SH3BP2: variants seen among roughly 807,000 people sequenced by gnomAD.
SH3BP2 encodes SH3 domain binding protein 2.
A neutral mutation model predicts 56.2 loss-of-function variants in SH3BP2; 38 were observed. The ratio of observed to expected loss-of-function variants is 0.68; its 90% confidence interval spans 0.52 to 0.89. SH3BP2 has a LOEUF of 0.89. Ranked by LOEUF, SH3BP2 falls within the 40% of genes least tolerant of loss-of-function variation. The pLI, the probability that SH3BP2 is intolerant of heterozygous loss-of-function variation, is 0.00. For synonymous variants in SH3BP2, 346 were observed against 316.7 expected, an observed-to-expected ratio of 1.09 and a Z score of -0.98; for missense variants, 748 against 762.6, an observed-to-expected ratio of 0.98 and a Z score of 0.23.
chr4:2,806,686 T>A (rs984806965), intron 1 of SH3BP2, among the ~76,000 whole-genome samples: 41 of 152,184 alleles, frequency 2.7e-4, no homozygotes, highest in African/African-American at 9.2e-4. Flanking sequence ...CCAGCCAGTG[T>A]ACGGCCCCTG....
chr4:2,797,818 C>G (rs1333133181), intron 1 of SH3BP2, among the ~76,000 whole-genome samples: 1 of 152,204 alleles, frequency 6.6e-6, no homozygotes, highest in Non-Finnish European at 1.5e-5. Context: ...AGTGCCGGCT[C>G]TCCCAGCCTC....
rs963594202 is a variant in SH3BP2 at position 2,829,476 on chromosome 4, G to A, written c.587-17G>A. ...CAGTCTCTGTCAGGGTCCAACCCGG[G>A]TCTCTTTGCTCTGCAGATGCCCTGA... On this transcript the variant is annotated splice_polypyrimidine_tract_variant and intron_variant, in intron 7 of 12. Transcript: ENST00000503393. The surrounding 1 kb of genome is among the most constrained non-coding windows in gnomAD (Gnocchi z 4.9). The A allele has an allele frequency of 2.0e-5, 33 of 1,613,270 alleles. No homozygotes were observed. Among genetic ancestry groups the A allele is most frequent in the Non-Finnish European group, 2.7e-5 (32 of 1,179,886 alleles).
Position 2,835,423 on chromosome 4 carries a change from AG to A in SH3BP2, c.*1590del, listed in dbSNP as rs2108745066. ...CCACCTCTGCAGGGGTTTCCTCTTC[AG>A]CCTGCCTGGGGTGAGAGGTCAGTGC... On this transcript the variant is annotated 3_prime_UTR_variant, in exon 13 of 13. Coordinates refer to ENST00000503393, the MANE Select transcript of SH3BP2 (RefSeq NM_001122681.2). The A allele has an allele frequency of 6.6e-6, 1 of 152,268 alleles. No homozygotes were observed. The highest frequency in any genetic ancestry group is 2.1e-4 in the South Asian group (1 of 4,816). The allele number at this position is 152,268 out of a possible 1,614,324, so 9.4% of individuals were successfully genotyped here.
intron 5 of SH3BP2, 138 bp from the exon 6 acceptor site, chr4:2,827,088 CATGT>C: frequency 2.8e-6 from 2 of 719,990 alleles, no homozygotes; most frequent in East Asian, 5.4e-5. Flanking sequence ...ACCATGTGTG[CATGT>C]GTTTGTCAGT....
At chr4:2,823,507 C>T (rs1724421195) in intron 3 of SH3BP2, 1 of 456,684 alleles carries the variant, frequency 2.2e-6, no homozygotes, top group Non-Finnish European at 4.4e-6. Flanking sequence ...CACGCATGTC[C>T]TGGGCTGGGC....
At chr4:2,801,924 G>T (rs1053243242) in intron 1 of SH3BP2, among the ~76,000 whole-genome samples, 1 of 150,506 alleles carries the variant, frequency 6.6e-6, no homozygotes, top group South Asian at 2.1e-4. Flanking sequence ...CCTGACCACC[G>T]TGGTGAAACC....
chr4:2,800,957 A>G (rs748730532), intron 1 of SH3BP2, among the ~76,000 whole-genome samples: 4 of 152,062 alleles, frequency 2.6e-5, no homozygotes, highest in Non-Finnish European at 4.4e-5. Flanking sequence ...ACCTCTGCTG[A>G]GGCTGCAGCA....
In SH3BP2 at chr4:2,833,822, T is replaced by C. The variant is rs1350338296; in HGVS notation, c.1674T>C (p.Thr558=). The change falls in exon 13 of 13, where the codon ACT becomes ACC. Residue 558 remains threonine, a synonymous_variant. Transcript: ENST00000503393. The part of the protein sequence containing the change: ...SLLLRHPYGY[T]GPR ...TGCTGCGGCACCCCTACGGCTACAC[T>C]GGGCCTAGGTGATGGCAGTCCATGT... 1 of 1,573,796 alleles carries C rather than the reference T, an allele frequency of 6.4e-7. No individual in the cohort carries two copies. Among genetic ancestry groups the C allele is most frequent in the East Asian group, 2.3e-5 (1 of 42,758 alleles).
Position 2,829,301 on chromosome 4 carries a change from G to A in SH3BP2, c.587-192G>A, listed in dbSNP as rs999849862. On this transcript the variant is annotated intron_variant, in intron 7 of 12. Coordinates refer to ENST00000503393, the MANE Select transcript of SH3BP2 (RefSeq NM_001122681.2). This position sits in a 1 kb window ranked among gnomAD's most constrained non-coding sequence, Gnocchi z 4.9. ...TAGGGAGGATGAATGGGGAAGGCTG[G>A]GGGTGGTGGGTGGTCTGGGACCCTG... Among the ~76,000 whole-genome samples, 10 of 152,094 alleles carry A rather than the reference G, an allele frequency of 6.6e-5. No homozygotes were observed. Among genetic ancestry groups the A allele is most frequent in the Non-Finnish European group, 8.8e-5 (6 of 68,016 alleles).
Position 2,829,490 on chromosome 4 carries a change from C to A in SH3BP2, c.587-3C>A, listed in dbSNP as rs368839407. 161 of 1,613,416 alleles carry A rather than the reference C, an allele frequency of 1.0e-4. No individual in the cohort carries two copies. The highest frequency in any genetic ancestry group is 1.3e-4 in the Non-Finnish European group (150 of 1,179,942). On this transcript the variant is annotated splice_polypyrimidine_tract_variant and splice_region_variant and intron_variant, in intron 7 of 12. Transcript: ENST00000503393. This position sits in a 1 kb window ranked among gnomAD's most constrained non-coding sequence, Gnocchi z 4.9. ...GTCCAACCCGGGTCTCTTTGCTCTGCAGATGCCCTGATGCACCCACCGGCT... is the reference window on the plus strand; with the variant it reads ...GTCCAACCCGGGTCTCTTTGCTCTGAAGATGCCCTGATGCACCCACCGGCT...
In SH3BP2 at chr4:2,825,212, G is replaced by C. The variant is rs898264078; in HGVS notation, c.428+16G>C. Reference sequence around the variant, plus strand: ...TGGACACCAGGTGAGCCCGGGCCCAGGGCATACCGGGCAGTGAGGGTCCCT... The same window carrying C: ...TGGACACCAGGTGAGCCCGGGCCCACGGCATACCGGGCAGTGAGGGTCCCT... On this transcript the variant is annotated intron_variant, in intron 5 of 12. Coordinates refer to ENST00000503393, the MANE Select transcript of SH3BP2 (RefSeq NM_001122681.2). 6.4e-6 allele frequency: 10 copies of C among 1,562,960 alleles called. No homozygotes were observed. Among genetic ancestry groups the C allele is most frequent in the Middle Eastern group, 1.7e-4 (1 of 6,004 alleles).
chr4:2,818,663 G>C (rs1046761320), intron 1 of SH3BP2: 6 of 978,290 alleles, frequency 6.1e-6, no homozygotes, highest in East Asian at 8.2e-5. Context: ...GGGCTCCTTC[G>C]GGCCGGGCGC....
chr4:2,795,932 C>T (rs1340504678), intron 1 of SH3BP2, among the ~76,000 whole-genome samples: 5 of 152,184 alleles, frequency 3.3e-5, no homozygotes, highest in Non-Finnish European at 5.9e-5. Flanking sequence ...GACAGTCCCA[C>T]GTGTGGGCTG....
chr4:2,841,000 T>G lies in SH3BP2; in HGVS notation c.*7166T>G, dbSNP rs931100087. On this transcript the variant is annotated 3_prime_UTR_variant, in exon 13 of 13. Transcript: ENST00000503393. Reference sequence around the variant, plus strand: ...TGTATTTTTAATTTCATTTTTTTTTTTGTTAATAGCATATAAAACACACCT... The same window carrying G: ...TGTATTTTTAATTTCATTTTTTTTTGTGTTAATAGCATATAAAACACACCT... 1.3e-5 allele frequency: 2 copies of G among 151,870 alleles called. No homozygotes were observed. The highest frequency in any genetic ancestry group is 6.6e-5 in the Admixed American group (1 of 15,266). The allele number at this position is 151,870 out of a possible 1,614,324, so 9.4% of individuals were successfully genotyped here.
chr4:2,826,540 C>G (rs1441204492), intron 5 of SH3BP2: 4 of 212,990 alleles, frequency 1.9e-5, no homozygotes, highest in Admixed American at 1.4e-4. Flanking sequence ...GCGTGTTGCT[C>G]TGTGTGTGTG....
Position 2,829,862 on chromosome 4 carries a change from G to A in SH3BP2, c.956G>A (p.Ser319Asn). 1.9e-6 allele frequency: 3 copies of A among 1,613,762 alleles called. No homozygotes were observed. The highest frequency in any genetic ancestry group is 2.5e-6 in the Non-Finnish European group (3 of 1,179,998). ...GGCCACGGGGCCTGCTCCACTTCCA[G>A]TGCTGCCATCATGGCCACTGCCACC... Reference protein sequence around the residue: ...TPGHGACSTSSAAIMATATSR... With the variant: ...TPGHGACSTSNAAIMATATSR... Residue 319 changes from serine (S) to asparagine (N), a missense_variant, in exon 8 of 13, where the codon AGT becomes AAT. Physicochemically the swap from Ser to Asn is conservative, Grantham distance 46 (BLOSUM62 1). Transcript: ENST00000503393. This position sits in a 1 kb window ranked among gnomAD's most constrained non-coding sequence, Gnocchi z 4.9.
chr4:2,818,171 G>C, intron 1 of SH3BP2: 3 of 979,840 alleles, frequency 3.1e-6, no homozygotes, highest in Non-Finnish European at 3.6e-6. Flanking sequence ...TGCCCGCCCA[G>C]TCCCCCGCCG....
Position 2,838,640 on chromosome 4 carries a change from G to GTTTTTTTTTTTTT in SH3BP2, c.*4806_*4807insTTTTTTTTTTTTT. On this transcript the variant is annotated 3_prime_UTR_variant, in exon 13 of 13. Transcript: ENST00000503393. ...AAACATTATAAAGATTTTTGTTTGC[G>GTTTTTTTTTTTTT]ATTTTTTTTTTTAGCTCATCAGCTA... 1 of 105,452 alleles carries GTTTTTTTTTTTTT rather than the reference G, an allele frequency of 9.5e-6. No homozygotes were observed. Among genetic ancestry groups the GTTTTTTTTTTTTT allele is most frequent in the African/African-American group, 3.4e-5 (1 of 29,320 alleles). 6.5% of individuals were successfully genotyped at this position (105,452 alleles called of 1,614,324 possible). A position where few individuals can be genotyped will look rare whatever the true frequency, so the allele number is the denominator to read the frequency against.
rs575163504 is a variant in SH3BP2 at position 2,795,748 on chromosome 4, C to A, written c.-5+2610C>A. Among the ~76,000 whole-genome samples, 9 of 152,198 alleles carry A rather than the reference C, an allele frequency of 5.9e-5. No individual in the cohort carries two copies. In the South Asian group the frequency reaches 1.9e-3, roughly 32 times the overall value. On this transcript the variant is annotated intron_variant, in intron 1 of 12. Coordinates refer to ENST00000503393, the MANE Select transcript of SH3BP2 (RefSeq NM_001122681.2). ...GCGGGCGGTAGGGAGGGTGGGAGAC[C>A]AGTTTGACGGGAGTGGCCTTTGCAT...
Sources: gnomAD v4.1 joint callset for allele counts (sites outside exome capture counted in the v4.1 genomes callset) on GRCh38, gnomAD v4.1.1 for gene constraint, Gnocchi (gnomAD v3.1) non-coding constraint, MANE v1.5 for transcripts, NCBI Gene and HGNC (gene_info 2026-07-23, HGNC 2026-07-21) for gene names.